TVP23C: variants seen among roughly 807,000 people sequenced by gnomAD.
TVP23C encodes Golgi apparatus membrane protein TVP23 homolog C.
A neutral mutation model predicts 28.7 loss-of-function variants in TVP23C; 19 were observed. That is an observed-to-expected ratio of 0.66 (90% confidence interval 0.46 to 0.97). The LOEUF (loss-of-function observed/expected upper bound fraction) is 0.97, where lower values mean the gene tolerates loss of function less well. Ranked by LOEUF, TVP23C falls within the 50% of genes least tolerant of loss-of-function variation. The pLI, the probability that TVP23C is intolerant of heterozygous loss-of-function variation, is 0.00. For synonymous variants in TVP23C, 68 were observed against 81.7 expected (o/e 0.83, Z 0.90); for missense variants, 186 against 241.3 (o/e 0.77, Z 1.52).
In TVP23C at chr17:15,502,809, C is replaced by CCTCT. The variant is rs57432478; in HGVS notation, c.*51_*54dup. On this transcript the variant is annotated 3_prime_UTR_variant, in exon 6 of 6. Transcript: ENST00000225576. ...TCCCTCTCTCCTCTCTCCTCTCTCT[C>CCTCT]CTCTCTCTCTCTCTCTCTCTCTCCT... The CCTCT allele has an allele frequency of 0.01, 14,702 of 1,412,318 alleles. 678 individuals are homozygous for CCTCT. The African/African-American group carries it at 0.17, about 16-fold the overall frequency. The allele number at this position is 1,412,318 out of a possible 1,614,324, so 87.5% of individuals were successfully genotyped here. A position where few individuals can be genotyped will look rare whatever the true frequency, so the allele number is the denominator to read the frequency against.
intron 5 of TVP23C, among the ~76,000 whole-genome samples, chr17:15,512,133 C>T (rs1016244386): frequency 1.3e-5 from 2 of 152,128 alleles, no homozygotes; most frequent in Non-Finnish European, 2.9e-5. Flanking sequence ...ACTTGAGAAC[C>T]ACTGATTTAC....
At chr17:15,522,782 C>T (rs2150836471) in intron 5 of TVP23C, among the ~76,000 whole-genome samples, 1 of 152,262 alleles carries the variant, frequency 6.6e-6, no homozygotes, top group South Asian at 2.1e-4. Context: ...GTGGCTCACA[C>T]CTGTAATCCC....
At chr17:15,545,359 ACCC>A (rs1983596917) in intron 5 of TVP23C, among the ~76,000 whole-genome samples, 2 of 152,168 alleles carry the variant, frequency 1.3e-5, no homozygotes, top group South Asian at 2.1e-4. Context: ...ATGGCTCACA[ACCC>A]CCATCATTCC....
At position 15,537,754 on chromosome 17, in the gene TVP23C, A is replaced by T; in HGVS notation, c.*2658T>A. The T allele has an allele frequency of 9.7e-7, 1 of 1,026,996 alleles. No homozygotes were observed. The highest frequency in any genetic ancestry group is 4.4e-5 in the South Asian group (1 of 22,474). The allele number at this position is 1,026,996 out of a possible 1,614,324, so 63.6% of individuals were successfully genotyped here. A position where few individuals can be genotyped will look rare whatever the true frequency, so the allele number is the denominator to read the frequency against. ...GTAAACATATAGAGCTTTGAGACAG[A>T]CTAAGAACATCCTCCTATGTTCTAT... On this transcript the variant is annotated 3_prime_UTR_variant, in exon 6 of 6. Coordinates refer to ENST00000518321, the MANE Select transcript of TVP23C (RefSeq NM_001135036.2).
chr17:15,531,860 T>C (rs1256459098), intron 5 of TVP23C, among the ~76,000 whole-genome samples: 1 of 152,232 alleles, frequency 6.6e-6, no homozygotes, highest in Non-Finnish European at 1.5e-5. Context: ...ATTTAAATAA[T>C]ATAAGGTGGC....
intron 5 of TVP23C, among the ~76,000 whole-genome samples, chr17:15,519,963 A>G (rs1982404081): frequency 6.6e-6 from 1 of 152,186 alleles, no homozygotes; most frequent in Non-Finnish European, 1.5e-5. Context: ...AGGCCAAGCT[A>G]TGCAAACCAA....
chr17:15,530,361 A>T (rs1982904413), intron 5 of TVP23C, among the ~76,000 whole-genome samples: 1 of 152,288 alleles, frequency 6.6e-6, no homozygotes, highest in South Asian at 2.1e-4. Flanking sequence ...ATCTTAACAT[A>T]AAGTAGGTTC....
Position 15,539,684 on chromosome 17 carries a change from T to C in TVP23C, c.*728A>G, listed in dbSNP as rs568139996. 2.0e-3 allele frequency: 1,939 copies of C among 985,354 alleles called. 6 individuals carry two copies. The highest frequency in any genetic ancestry group is 4.7e-3 in the Middle Eastern group (9 of 1,914). The allele number at this position is 985,354 out of a possible 1,614,324, so 61.0% of individuals were successfully genotyped here. ...ATTTACCTATGACTACTACTCATCCTGCTGAAAACCCTGATGTTGAGGTAT... is the reference window on the plus strand; with the variant it reads ...ATTTACCTATGACTACTACTCATCCCGCTGAAAACCCTGATGTTGAGGTAT... On this transcript the variant is annotated 3_prime_UTR_variant, in exon 6 of 6. Coordinates refer to ENST00000518321, the MANE Select transcript of TVP23C (RefSeq NM_001135036.2).
chr17:15,508,695 C>G (rs1237616578), intron 5 of TVP23C, among the ~76,000 whole-genome samples: 3 of 152,270 alleles, frequency 2.0e-5, no homozygotes, highest in Non-Finnish European at 4.4e-5. Context: ...AAATGACCCA[C>G]TAATAGCTTA....
intron 5 of TVP23C, among the ~76,000 whole-genome samples, chr17:15,511,013 C>A (rs1981975739): frequency 7.6e-6 from 1 of 131,960 alleles, no homozygotes; most frequent in Admixed American, 8.8e-5. Context: ...GAGATTGCAC[C>A]ATTGCACTCC....
chr17:15,539,185 G>A lies in TVP23C; in HGVS notation c.*1227C>T. 1 of 959,768 alleles carries A rather than the reference G, an allele frequency of 1.0e-6. No homozygotes were observed. The highest frequency in any genetic ancestry group is 1.2e-6 in the Non-Finnish European group (1 of 806,572). The allele number at this position is 959,768 out of a possible 1,614,324, so 59.5% of individuals were successfully genotyped here. A position where few individuals can be genotyped will look rare whatever the true frequency, so the allele number is the denominator to read the frequency against. ...AGATCTACTGAATAAGGAGTCTGGAGGTGGAACCCAGCAATCTTGTGCCCT... is the reference window on the plus strand; with the variant it reads ...AGATCTACTGAATAAGGAGTCTGGAAGTGGAACCCAGCAATCTTGTGCCCT... On this transcript the variant is annotated 3_prime_UTR_variant, in exon 6 of 6. Transcript: ENST00000518321.
rs1180700145 is a variant in TVP23C, at chr17:15,563,246, C to G, written c.12+191G>C. On this transcript the variant is annotated intron_variant, in intron 1 of 5. Transcript: ENST00000518321. ...TACTTGCTCTGCGCCGCACGGGTCA[C>G]GCCTCCCCCAGCGGCCTCAGAACCC... The G allele has an allele frequency of 5.5e-6, 6 of 1,100,872 alleles. No homozygotes were observed. In the East Asian group the frequency reaches 1.3e-4, roughly 25 times the overall value. The allele number at this position is 1,100,872 out of a possible 1,614,324, so 68.2% of individuals were successfully genotyped here.
At position 15,552,508 on chromosome 17, in the gene TVP23C, C is replaced by G. The variant is rs1983938367; in HGVS notation, c.240+1177G>C. 2.0e-5 allele frequency among the ~76,000 whole-genome samples: 3 copies of G among 150,780 alleles called. No homozygotes were observed. In the South Asian group the frequency reaches 6.2e-4, roughly 31 times the overall value. On this transcript the variant is annotated intron_variant, in intron 3 of 5. Transcript: ENST00000518321. ...ACCAGCCTGACCAACATGGAGAAAC[C>G]CCGTCTGTACTAAAAATACAAAAAA... is the stretch of plus-strand genomic sequence containing the variant.
chr17:15,503,818 C>T (rs182943286), intron 5 of TVP23C, among the ~76,000 whole-genome samples: 3 of 151,924 alleles, frequency 2.0e-5, no homozygotes, highest in African/African-American at 2.4e-5. Flanking sequence ...TGCAGGCCAC[C>T]GAAGTTCTAT....
chr17:15,529,771 T>C (rs1982876963), intron 5 of TVP23C, among the ~76,000 whole-genome samples: 1 of 152,074 alleles, frequency 6.6e-6, no homozygotes, highest in African/African-American at 2.4e-5. Flanking sequence ...CAACATATAG[T>C]TGGATCATGT....
intron 5 of TVP23C, among the ~76,000 whole-genome samples, chr17:15,517,402 G>C (rs941979667): frequency 3.3e-5 from 5 of 152,198 alleles, no homozygotes; most frequent in African/African-American, 7.2e-5. Context: ...CAGTAGTTAA[G>C]AGCACAGACT....
At chr17:15,549,228 G>A (rs537173154) in intron 3 of TVP23C, among the ~76,000 whole-genome samples, 1 of 152,258 alleles carries the variant, frequency 6.6e-6, no homozygotes, top group African/African-American at 2.4e-5. Context: ...AGAGCAGCAG[G>A]CACTGATGCC....
chr17:15,518,297 T>C (rs1019626038), intron 5 of TVP23C, among the ~76,000 whole-genome samples: 1 of 152,046 alleles, frequency 6.6e-6, no homozygotes, highest in Non-Finnish European at 1.5e-5. Context: ...AGAGATGTGA[T>C]TGTGTCCCAA....
chr17:15,508,268 CCTCT>C (rs1981852882), intron 5 of TVP23C, among the ~76,000 whole-genome samples: 1 of 152,198 alleles, frequency 6.6e-6, no homozygotes, highest in Admixed American at 6.5e-5. Context: ...TGCCCACCTC[CCTCT>C]AACAGCCACC....
Sources: allele counts gnomAD v4.1 joint callset (sites outside exome capture counted in the v4.1 genomes callset), GRCh38; gene constraint gnomAD v4.1.1; transcripts MANE v1.5; gene names NCBI Gene and HGNC (gene_info 2026-07-23, HGNC 2026-07-21).